TEAD1: variants seen among roughly 807,000 people sequenced by gnomAD.
TEAD1 encodes the protein TEA domain transcription factor 1, also known as transcriptional enhancer factor TEF-1.
A neutral mutation model predicts 54.9 loss-of-function variants in TEAD1; 9 were observed. That is an observed-to-expected ratio of 0.16 (90% CI 0.10 to 0.29). The LOEUF (loss-of-function observed/expected upper bound fraction) is 0.29, where lower values mean the gene tolerates loss of function less well. Among genes scored for constraint, TEAD1 ranks in the 10% least tolerant of loss-of-function variants. The probability of loss-of-function intolerance (pLI) is 1.00; values close to 1 mark genes in which losing one functional copy is unlikely to be tolerated. For missense variants in TEAD1, 387 were observed against 535.9 expected, an observed-to-expected ratio of 0.72 and a Z score of 2.74; for synonymous variants, 200 against 187.8, an observed-to-expected ratio of 1.07 and a Z score of -0.53.
intron 2 of TEAD1, among the ~76,000 whole-genome samples, chr11:12,752,364 T>A (rs112579238): frequency 6.6e-6 from 1 of 152,080 alleles, no homozygotes; most frequent in Non-Finnish European, 1.5e-5. Flanking sequence ...GAGCCATTGA[T>A]CTATTGATCT....
intron 3 of TEAD1, chr11:12,851,083 G>A (rs1379801499): frequency 3.0e-6 from 3 of 984,128 alleles, no homozygotes; most frequent in South Asian, 4.7e-5. Flanking sequence ...ATACAAAAGA[G>A]GTGAGCTCCT....
At chr11:12,900,458 G>T (rs1948406417) in intron 9 of TEAD1, among the ~76,000 whole-genome samples, 1 of 152,162 alleles carries the variant, frequency 6.6e-6, no homozygotes, top group Non-Finnish European at 1.5e-5. Flanking sequence ...GCTTATTCTT[G>T]TTAGATCTAG....
At chr11:12,689,039 GTTTGT>G (rs1943398200) in intron 2 of TEAD1, among the ~76,000 whole-genome samples, 1 of 150,272 alleles carries the variant, frequency 6.7e-6, no homozygotes, top group South Asian at 2.1e-4. Flanking sequence ...TTGTTTATTT[GTTTGT>G]TTTGTTTTTA....
intron 10 of TEAD1, among the ~76,000 whole-genome samples, chr11:12,911,630 TG>T (rs1486748082): frequency 6.6e-6 from 1 of 151,696 alleles, no homozygotes; most frequent in Non-Finnish European, 1.5e-5. Context: ...CAGAGGTACT[TG>T]GGGGCTAATA....
At chr11:12,729,966 A>C (rs1285803972) in intron 2 of TEAD1, among the ~76,000 whole-genome samples, 1 of 152,224 alleles carries the variant, frequency 6.6e-6, no homozygotes, top group Non-Finnish European at 1.5e-5. Flanking sequence ...AAGGCTTTGC[A>C]ATGCCTGGCA....
intron 11 of TEAD1, 29 bp from the exon 12 acceptor site, chr11:12,930,145 A>G: frequency 6.2e-7 from 1 of 1,614,142 alleles, no homozygotes; most frequent in African/African-American, 1.3e-5. Flanking sequence ...CAAAAGTGTA[A>G]AAATACTGAA....
intron 2 of TEAD1, among the ~76,000 whole-genome samples, chr11:12,717,750 C>A (rs992731787): frequency 6.6e-6 from 1 of 152,172 alleles, no homozygotes; most frequent in Non-Finnish European, 1.5e-5. Flanking sequence ...GGTTTGAATT[C>A]ACTAATTCTA....
At chr11:12,805,574 C>G (rs1412047635) in intron 3 of TEAD1, among the ~76,000 whole-genome samples, 1 of 152,126 alleles carries the variant, frequency 6.6e-6, no homozygotes, top group African/African-American at 2.4e-5. Context: ...TAGGTCTACC[C>G]ATATTGAGTT....
intron 2 of TEAD1, among the ~76,000 whole-genome samples, chr11:12,714,997 A>G (rs949222232): frequency 3.9e-5 from 6 of 152,160 alleles, no homozygotes; most frequent in African/African-American, 1.2e-4. Flanking sequence ...GGGAGACACA[A>G]TTCAGCCCAT....
chr11:12,674,751 C>T lies in TEAD1; in HGVS notation c.-291C>T. ...CAGGGACCGGGAGCCGGGGAGGGAG[C>T]CGGGCACCGAGCAGAGGGCGGGGGA... On this transcript the variant is annotated 5_prime_UTR_variant, in exon 1 of 13. Transcript: ENST00000527636. The T allele has an allele frequency of 6.6e-6, 1 of 151,170 alleles. No individual in the cohort carries two copies. Among genetic ancestry groups the T allele is most frequent in the Non-Finnish European group, 1.5e-5 (1 of 67,784 alleles). The allele number at this position is 151,170 out of a possible 1,614,324, so 9.4% of individuals were successfully genotyped here.
At chr11:12,917,907 G>A (rs1362583125) in intron 10 of TEAD1, among the ~76,000 whole-genome samples, 1 of 152,174 alleles carries the variant, frequency 6.6e-6, no homozygotes, top group African/African-American at 2.4e-5. Context: ...GTGCCCAGAA[G>A]ATGGGATATG....
At chr11:12,828,678 A>AT (rs34495066) in intron 3 of TEAD1, among the ~76,000 whole-genome samples, 46,942 of 140,666 alleles carry the variant, frequency 0.33, 8,119 homozygotes, top group South Asian at 0.54. Context: ...TAACTGAGTG[A>AT]TTTTTTTTTT....
intron 3 of TEAD1, among the ~76,000 whole-genome samples, chr11:12,815,660 T>G (rs942965088): frequency 6.6e-6 from 1 of 152,204 alleles, no homozygotes; most frequent in Non-Finnish European, 1.5e-5. Flanking sequence ...TGGACTAAAT[T>G]GTAATCTGGG....
intron 3 of TEAD1, among the ~76,000 whole-genome samples, chr11:12,844,307 G>A (rs955450332): frequency 3.9e-5 from 6 of 152,132 alleles, no homozygotes; most frequent in Admixed American, 1.3e-4. Flanking sequence ...TAAGAACTAA[G>A]AGTCCAGAGA....
chr11:12,722,271 C>T (rs1944219993), intron 2 of TEAD1, among the ~76,000 whole-genome samples: 1 of 152,176 alleles, frequency 6.6e-6, no homozygotes, highest in African/African-American at 2.4e-5. Context: ...TCTCCTAAAC[C>T]TGGTCATCTC....
intron 3 of TEAD1, among the ~76,000 whole-genome samples, chr11:12,851,248 G>A (rs1480346202): frequency 3.3e-5 from 5 of 152,144 alleles, no homozygotes; most frequent in East Asian, 1.9e-4. Context: ...GAGGAGGAGA[G>A]AGGAAACGGA....
In TEAD1 at chr11:12,693,128, G is replaced by A. The variant is rs146622876; in HGVS notation, c.-55+17567G>A. 5.6e-4 allele frequency among the ~76,000 whole-genome samples: 86 copies of A among 152,326 alleles called. 1 individual carries two copies. Among genetic ancestry groups the A allele is most frequent in the African/African-American group, 1.9e-3 (79 of 41,572 alleles). Reference sequence around the variant, plus strand: ...TCTTTGTGATGAATAAATCCACAGGGAACATCATGGAAAGCAGCCAGAGGT... The same window carrying A: ...TCTTTGTGATGAATAAATCCACAGGAAACATCATGGAAAGCAGCCAGAGGT... On this transcript the variant is annotated intron_variant, in intron 2 of 12. Coordinates refer to ENST00000527636, the MANE Select transcript of TEAD1 (RefSeq NM_021961.6).
At chr11:12,794,439 G>GA (rs1403934287) in intron 3 of TEAD1, among the ~76,000 whole-genome samples, 2 of 152,068 alleles carry the variant, frequency 1.3e-5, no homozygotes, top group African/African-American at 2.4e-5. Context: ...TAAGAAAAAA[G>GA]AAAAAAACAG....
At chr11:12,719,314 A>G (rs1195637133) in intron 2 of TEAD1, among the ~76,000 whole-genome samples, 1 of 152,084 alleles carries the variant, frequency 6.6e-6, no homozygotes, top group Admixed American at 6.5e-5. Flanking sequence ...CTGTGGAGGA[A>G]TGCTCTTGTC....
Sources: gnomAD v4.1 joint callset for allele counts (sites outside exome capture counted in the v4.1 genomes callset) on GRCh38, gnomAD v4.1.1 for gene constraint, MANE v1.5 for transcripts, NCBI Gene and HGNC (gene_info 2026-07-23, HGNC 2026-07-21) for gene names.